Variants in LRP1 observed in about 807,000 individuals in gnomAD.
The protein encoded by LRP1 is prolow-density lipoprotein receptor-related protein 1.
A neutral mutation model predicts 541.5 loss-of-function variants in LRP1; 51 were observed. That is an observed-to-expected ratio of 0.09 (90% confidence interval 0.08 to 0.12). The LOEUF is 0.12. LRP1 is among the 10% of genes least tolerant of loss of function. The probability of loss-of-function intolerance (pLI) is 1.00; values close to 1 mark genes in which losing one functional copy is unlikely to be tolerated. For missense variants in LRP1, 3,878 were observed against 6,376.2 expected (o/e 0.61, Z 13.34); for synonymous variants, 2,219 against 2,470.8 (o/e 0.90, Z 3.02).
intron 45 of LRP1, 87 bp from the exon 46 acceptor site, chr12:57,193,089 T>G: frequency 6.3e-7 from 1 of 1,584,772 alleles, no homozygotes; most frequent in Non-Finnish European, 8.6e-7. Flanking sequence ...AAGACGCTGA[T>G]GATGACCTCA....
Position 57,212,666 on chromosome 12 carries a change from T to A in LRP1, c.*111T>A. The A allele has an allele frequency of 8.6e-7, 1 of 1,164,376 alleles. No individual in the cohort carries two copies. Among genetic ancestry groups the A allele is most frequent in the South Asian group, 1.6e-5 (1 of 64,336 alleles). The allele number at this position is 1,164,376 out of a possible 1,614,324, so 72.1% of individuals were successfully genotyped here. A position where few individuals can be genotyped will look rare whatever the true frequency, so the allele number is the denominator to read the frequency against. On this transcript the variant is annotated 3_prime_UTR_variant, in exon 89 of 89. Coordinates refer to ENST00000243077, the MANE Select transcript of LRP1 (RefSeq NM_002332.3). This position sits in a 1 kb window ranked among gnomAD's most constrained non-coding sequence, Gnocchi z 5.0. ...TCCCTGGCCCCGCCGGATGTATAAA[T>A]GTAAAAATGAAGGAATTACATTTTA...
At position 57,154,546 on chromosome 12, in the gene LRP1, C is replaced by T. The variant is rs376832342; in HGVS notation, c.1072C>T (p.Arg358Cys). 9.3e-6 allele frequency: 15 copies of T among 1,614,074 alleles called. No homozygotes were observed. The highest frequency in any genetic ancestry group is 4.0e-5 in the African/African-American group (3 of 74,930). The change falls in exon 8 of 89, where the codon CGC (arginine) becomes TGC (cysteine). Residue 358 changes from arginine (R) to cysteine (C), a missense_variant. Arg to Cys is a radical substitution (Grantham distance 180). This residue lies in a region of LRP1 where 496 missense variants were observed against 861.0 expected (regional missense o/e 0.58). Transcript: ENST00000243077. The surrounding 1 kb of genome is among the most constrained non-coding windows in gnomAD (Gnocchi z 4.6). Reference protein sequence around the residue: ...VERCDMDGQNRTKLVDSKIVF... With the variant: ...VERCDMDGQNCTKLVDSKIVF... ...ACGCTGTGACATGGATGGGCAGAAC[C>T]GCACCAAGCTCGTCGACAGCAAGAT...
Position 57,173,482 on chromosome 12 carries a change from A to C in LRP1, c.3346+132A>C, listed in dbSNP as rs1033861595. 4.8e-5 allele frequency: 48 copies of C among 1,006,282 alleles called. No individual in the cohort carries two copies. Among genetic ancestry groups the C allele is most frequent in the Non-Finnish European group, 6.9e-5 (48 of 693,082 alleles). 62.3% of individuals were successfully genotyped at this position (1,006,282 alleles called of 1,614,324 possible). On this transcript the variant is annotated intron_variant, in intron 21 of 88. Transcript: ENST00000243077. This position sits in a 1 kb window ranked among gnomAD's most constrained non-coding sequence, Gnocchi z 4.7. ...TGGTGCTGGGGACAGTGCAAGGCAA[A>C]AGGCAGTCCAGAGGAAGCTTGTGTG...
Position 57,187,269 on chromosome 12 carries a change from G to C in LRP1, c.6844G>C (p.Val2282Leu), listed in dbSNP as rs766939906. Residue 2282 changes from valine to leucine, a missense_variant and splice_region_variant, in exon 42 of 89, where the codon GTG (valine) becomes CTG (leucine). Coordinates refer to ENST00000243077, the MANE Select transcript of LRP1 (RefSeq NM_002332.3). ...TCGCTGCTCCTGTCTCTTCACAGAC[G>C]TGGGCTCCGTGGAAGGCCTGGCCTA... is the stretch of plus-strand genomic sequence containing the variant. ...GSRRITIVEN[V>L]GSVEGLAYHR... is the part of the protein sequence containing the mutation. 6 of 1,612,026 alleles carry C rather than the reference G, an allele frequency of 3.7e-6. No homozygotes were observed. In the Admixed American group the frequency reaches 5.0e-5, roughly 13 times the overall value.
At position 57,156,096 on chromosome 12, in the gene LRP1, T is replaced by C. The variant is rs2136675929; in HGVS notation, c.1230T>C (p.Ile410=). 6.2e-7 allele frequency: 1 copy of C among 1,613,656 alleles called. No homozygotes were observed. The highest frequency in any genetic ancestry group is 8.5e-7 in the Non-Finnish European group (1 of 1,179,706). ...GRQTIIQGIL[I]EHLYGLTVFE... ...CCATTCTTGCCTGCCCGTCTCAGATTGAGCACCTGTACGGCCTGACTGTGT... is the reference window on the plus strand; with the variant it reads ...CCATTCTTGCCTGCCCGTCTCAGATCGAGCACCTGTACGGCCTGACTGTGT... Residue 410 remains isoleucine, a splice_region_variant and synonymous_variant, in exon 9 of 89, where the codon ATT becomes ATC. Coordinates refer to ENST00000243077, the MANE Select transcript of LRP1 (RefSeq NM_002332.3). This position sits in a 1 kb window ranked among gnomAD's most constrained non-coding sequence, Gnocchi z 5.2.
In LRP1 at chr12:57,169,194, G is replaced by A. The variant is rs759250498; in HGVS notation, c.3050G>A (p.Ser1017Asn). Residue 1017 changes from serine to asparagine, a missense_variant, in exon 20 of 89, where the codon AGC (serine) becomes AAC (asparagine). Coordinates refer to ENST00000243077, the MANE Select transcript of LRP1 (RefSeq NM_002332.3). ...DEAGCSHSCS[S>N]TQFKCNSGRC... ...GCCGGCTGCAGCCACTCCTGTTCTA[G>A]CACCCAGTTCAAGTGCAACAGCGGG... 3 of 1,613,998 alleles carry A rather than the reference G, an allele frequency of 1.9e-6. No homozygotes were observed. Among genetic ancestry groups the A allele is most frequent in the Non-Finnish European group, 8.5e-7 (1 of 1,179,966 alleles).
At chr12:57,208,246 G>A in intron 77 of LRP1, 30 bp downstream of exon 77, 1 of 1,603,040 alleles carries the variant, frequency 6.2e-7, no homozygotes, top group Non-Finnish European at 8.5e-7. Flanking sequence ...GGAGGCCTCT[G>A]GGCTGGTGGT....
rs34614287 is a variant in LRP1, at chr12:57,155,352, C to G, written c.1227+651C>G. The G allele has an allele frequency of 6.6e-4, 105 of 159,928 alleles. 1 individual carries two copies. Among genetic ancestry groups the G allele is most frequent in the Non-Finnish European group, 8.6e-4 (62 of 72,498 alleles). The allele number at this position is 159,928 out of a possible 1,614,324, so 9.9% of individuals were successfully genotyped here. ...GTCCTCTGTGGACAGAGTTTAGAGC[C>G]CATCTCTAATTCAGTCTAAAATCAC... On this transcript the variant is annotated intron_variant, in intron 8 of 88. Transcript: ENST00000243077.
chr12:57,156,015 A>T lies in LRP1; in HGVS notation c.1228-79A>T. ...GGGGAATGCAGGTCATGAAGTCTGG[A>T]GGAAGCTGAGGGGATCTCCAGGACA... is the stretch of plus-strand genomic sequence containing the variant. On this transcript the variant is annotated intron_variant, in intron 8 of 88. Transcript: ENST00000243077. The surrounding 1 kb of genome is among the most constrained non-coding windows in gnomAD (Gnocchi z 5.2). The T allele has an allele frequency of 1.7e-6, 2 of 1,148,974 alleles. No individual in the cohort carries two copies. The highest frequency in any genetic ancestry group is 2.6e-6 in the Non-Finnish European group (2 of 783,566). 71.2% of individuals were successfully genotyped at this position (1,148,974 alleles called of 1,614,324 possible). A position where few individuals can be genotyped will look rare whatever the true frequency, so the allele number is the denominator to read the frequency against.
rs1299782208 is a variant in LRP1, at chr12:57,189,951, G to C, written c.7032-854G>C. On this transcript the variant is annotated intron_variant, in intron 42 of 88. Coordinates refer to ENST00000243077, the MANE Select transcript of LRP1 (RefSeq NM_002332.3). This position sits in a 1 kb window ranked among gnomAD's most constrained non-coding sequence, Gnocchi z 4.4. ...CTCTGTCACACCCAGGGTAGTGCATGACCAGCCCTGAGGCCTTCCACAGCC... is the reference window on the plus strand; with the variant it reads ...CTCTGTCACACCCAGGGTAGTGCATCACCAGCCCTGAGGCCTTCCACAGCC... Among the ~76,000 whole-genome samples the C allele has an allele frequency of 6.6e-6, 1 of 152,154 alleles. No homozygotes were observed. Among genetic ancestry groups the C allele is most frequent in the Non-Finnish European group, 1.5e-5 (1 of 68,022 alleles).
Position 57,211,228 on chromosome 12 carries a change from T to TTCA in LRP1, c.12969_12970insTCA (p.Asp4323_Gly4324insSer), listed in dbSNP as rs745974314. 2 of 1,614,222 alleles carry TTCA rather than the reference T, an allele frequency of 1.2e-6. No homozygotes were observed. The highest frequency in any genetic ancestry group is 1.7e-6 in the Non-Finnish European group (2 of 1,180,040). Reference sequence around the variant, plus strand: ...TTGGCACATGCCAGATGGCTGCTGATGGCTCCCGACAATGCCGCTGCACTG... The same window carrying TTCA: ...TTGGCACATGCCAGATGGCTGCTGATTCAGGCTCCCGACAATGCCGCTGCACTG... On this transcript the variant is annotated inframe_insertion, in exon 84 of 89. Transcript: ENST00000243077. This position sits in a 1 kb window ranked among gnomAD's most constrained non-coding sequence, Gnocchi z 4.3.
intron 78 of LRP1, 95 bp downstream of exon 78, chr12:57,208,912 A>G (rs1186218279): frequency 2.5e-6 from 3 of 1,202,236 alleles, no homozygotes; most frequent in South Asian, 2.6e-5. Context: ...AAGGGATGGG[A>G]TGGGGCTTGG....
Position 57,212,661 on chromosome 12 carries a change from A to G in LRP1, c.*106A>G. ...GCCCTTCCCTGGCCCCGCCGGATGTATAAATGTAAAAATGAAGGAATTACA... is the reference window on the plus strand; with the variant it reads ...GCCCTTCCCTGGCCCCGCCGGATGTGTAAATGTAAAAATGAAGGAATTACA... On this transcript the variant is annotated 3_prime_UTR_variant, in exon 89 of 89. Transcript: ENST00000243077. The surrounding 1 kb of genome is among the most constrained non-coding windows in gnomAD (Gnocchi z 5.0). 8.4e-7 allele frequency: 1 copy of G among 1,189,958 alleles called. No homozygotes were observed. The highest frequency in any genetic ancestry group is 1.2e-6 in the Non-Finnish European group (1 of 860,688). 73.7% of individuals were successfully genotyped at this position (1,189,958 alleles called of 1,614,324 possible).
chr12:57,174,915 C>T (rs2036013418), intron 22 of LRP1, among the ~76,000 whole-genome samples: 1 of 152,126 alleles, frequency 6.6e-6, no homozygotes, highest in African/African-American at 2.4e-5. Context: ...CAGGCAGAGC[C>T]CCCAGTTCCT....
Position 57,208,703 on chromosome 12 carries a change from C to T in LRP1, c.12039-8C>T, listed in dbSNP as rs566475553. 2.7e-5 allele frequency: 43 copies of T among 1,595,420 alleles called. 1 individual carries two copies. The South Asian group carries it at 4.1e-4, about 15-fold the overall frequency. ...GCCTGCCCACACTCACCCCTTCTCCCTCCCCAGGACCATGTACTGGTCAGA... is the reference window on the plus strand; with the variant it reads ...GCCTGCCCACACTCACCCCTTCTCCTTCCCCAGGACCATGTACTGGTCAGA... On this transcript the variant is annotated splice_polypyrimidine_tract_variant and splice_region_variant and intron_variant, in intron 77 of 88. Coordinates refer to ENST00000243077, the MANE Select transcript of LRP1 (RefSeq NM_002332.3).
chr12:57,213,274 G>A lies in LRP1; in HGVS notation c.*719G>A, dbSNP rs1203953984. 1 of 127,872 alleles carries A rather than the reference G, an allele frequency of 7.8e-6. No individual in the cohort carries two copies. Among genetic ancestry groups the A allele is most frequent in the East Asian group, 2.5e-4 (1 of 4,002 alleles). The allele number at this position is 127,872 out of a possible 1,614,324, so 7.9% of individuals were successfully genotyped here. On this transcript the variant is annotated 3_prime_UTR_variant, in exon 89 of 89. Coordinates refer to ENST00000243077, the MANE Select transcript of LRP1 (RefSeq NM_002332.3). ...GCAGCCCCGTTTTGGGGACGTGAAC[G>A]TTTTAATAATTTTTGCTGAATTCCT... is the stretch of plus-strand genomic sequence containing the variant.
At chr12:57,207,123 G>A (rs1454470077) in intron 76 of LRP1, among the ~76,000 whole-genome samples, 8 of 145,212 alleles carry the variant, frequency 5.5e-5, no homozygotes, top group South Asian at 2.3e-4. Context: ...GGCGCCTGTA[G>A]TCCCAGCTAC....
At chr12:57,143,822 T>C in intron 4 of LRP1, 24 bp downstream of exon 4, 1 of 1,602,552 alleles carries the variant, frequency 6.2e-7, no homozygotes, top group South Asian at 1.1e-5. Flanking sequence ...TGTGCCTGTG[T>C]GCATGTGTGT....
chr12:57,182,693 G>C lies in LRP1; in HGVS notation c.5663-686G>C, dbSNP rs190601183. 1.9e-3 allele frequency among the ~76,000 whole-genome samples: 287 copies of C among 152,132 alleles called. 6 individuals are homozygous for C. In the East Asian group the frequency reaches 0.048, roughly 25 times the overall value. ...TAGCCGGGCATGGTGGTGCATGCCT[G>C]TAATCCCAGCTACTCGGAAGGCTGA... On this transcript the variant is annotated intron_variant, in intron 34 of 88. Transcript: ENST00000243077.
Sources: gnomAD v4.1 joint callset for allele counts (sites outside exome capture counted in the v4.1 genomes callset) on GRCh38, gnomAD v4.1.1 for gene constraint, gnomAD v4.1.1 regional missense constraint, Gnocchi (gnomAD v3.1) non-coding constraint, MANE v1.5 for transcripts, NCBI Gene and HGNC (gene_info 2026-07-23, HGNC 2026-07-21) for gene names.